The following RIN2 variants were observed in gnomAD, a reference collection of about 807,000 sequenced individuals.
RIN2 encodes the protein RAB5 interacting protein 2.
RIN2 carries 36 observed loss-of-function variants against 78.0 expected under a neutral mutation model. The observed-to-expected ratio is 0.46, with a 90% CI of 0.35 to 0.61. The LOEUF (loss-of-function observed/expected upper bound fraction) is 0.61, where lower values mean the gene tolerates loss of function less well. Among genes scored for constraint, RIN2 ranks in the 20% least tolerant of loss-of-function variants. The pLI is 0.00. For synonymous variants in RIN2, 466 were observed against 466.8 expected (o/e 1.00, Z 0.02); for missense variants, 1,087 against 1,159.7 (o/e 0.94, Z 0.91).
chr20:19,884,028 T>C (rs1467871418), intron 2 of RIN2, among the ~76,000 whole-genome samples: 1 of 149,246 alleles, frequency 6.7e-6, no homozygotes, highest in African/African-American at 2.5e-5. Flanking sequence ...CTCAAACTCC[T>C]GGCCTCAAGC....
chr20:19,801,526 T>A (rs1437174055), intron 2 of RIN2, among the ~76,000 whole-genome samples: 1 of 152,128 alleles, frequency 6.6e-6, no homozygotes, highest in South Asian at 2.1e-4. Context: ...TTTCACTATG[T>A]TAGCCAGCAT....
chr20:19,906,418 C>T (rs2039221373), intron 3 of RIN2, among the ~76,000 whole-genome samples: 1 of 152,156 alleles, frequency 6.6e-6, no homozygotes, highest in African/African-American at 2.4e-5. Context: ...CACTGCACTC[C>T]AGAGCCTGGG....
At chr20:19,945,093 TC>T (rs1192817940) in intron 4 of RIN2, among the ~76,000 whole-genome samples, 2 of 152,190 alleles carry the variant, frequency 1.3e-5, no homozygotes, top group Non-Finnish European at 2.9e-5. Flanking sequence ...ATTCCTTTTT[TC>T]AGCAAGAATC....
At chr20:19,901,848 C>A (rs1438680149) in intron 3 of RIN2, among the ~76,000 whole-genome samples, 3 of 151,960 alleles carry the variant, frequency 2.0e-5, no homozygotes, top group Admixed American at 6.6e-5. Flanking sequence ...GAAACCCCGT[C>A]TCTACTACAG....
At chr20:19,766,189 G>A (rs566207693) in intron 1 of RIN2, among the ~76,000 whole-genome samples, 1 of 152,226 alleles carries the variant, frequency 6.6e-6, no homozygotes, top group Non-Finnish European at 1.5e-5. Context: ...AACAGATGGT[G>A]TGTGTTTCGT....
At chr20:19,993,278 T>TG (rs1321051929) in intron 11 of RIN2, among the ~76,000 whole-genome samples, 5 of 152,082 alleles carry the variant, frequency 3.3e-5, no homozygotes, top group East Asian at 3.9e-4. Context: ...GGTTTCGTTT[T>TG]TTTTTTTCCC....
chr20:19,813,641 T>G (rs4814900), intron 2 of RIN2, among the ~76,000 whole-genome samples: 22,166 of 152,234 alleles, frequency 0.15, 1,828 homozygotes, highest in South Asian at 0.22. Flanking sequence ...TCTGGAAGGA[T>G]GTACTCCAAA....
At chr20:19,920,117 A>G (rs2039851926) in intron 3 of RIN2, among the ~76,000 whole-genome samples, 1 of 151,784 alleles carries the variant, frequency 6.6e-6, no homozygotes, top group Admixed American at 6.6e-5. Context: ...ACACGGTGAA[A>G]CCCCGTCTCT....
At chr20:19,765,919 C>CAT (rs751357873) in intron 1 of RIN2, among the ~76,000 whole-genome samples, 21 of 150,926 alleles carry the variant, frequency 1.4e-4, no homozygotes, top group Admixed American at 6.6e-4. Flanking sequence ...AAGGAGGCTA[C>CAT]AGAGGGAGGG....
chr20:19,965,698 G>T (rs2041916687), intron 7 of RIN2, among the ~76,000 whole-genome samples: 1 of 152,124 alleles, frequency 6.6e-6, no homozygotes, highest in African/African-American at 2.4e-5. Context: ...TACAACCTCT[G>T]CCTCCTGGGA....
chr20:19,839,935 A>C (rs1197807424), intron 2 of RIN2, among the ~76,000 whole-genome samples: 1 of 152,242 alleles, frequency 6.6e-6, no homozygotes, highest in Admixed American at 6.5e-5. Context: ...AAAGCCTTAG[A>C]ACTGCAAAGA....
At chr20:19,896,382 G>T (rs961959008) in intron 3 of RIN2, among the ~76,000 whole-genome samples, 4 of 152,130 alleles carry the variant, frequency 2.6e-5, no homozygotes, top group African/African-American at 9.7e-5. Context: ...TAGAGGCGGG[G>T]TTTCTCCACG....
chr20:19,763,786 TG>T (rs376090956), intron 1 of RIN2, among the ~76,000 whole-genome samples: 134 of 152,322 alleles, frequency 8.8e-4, no homozygotes, highest in African/African-American at 3.1e-3. Flanking sequence ...TGATTCAGTT[TG>T]ATGTAGGAAT....
chr20:19,877,289 A>G (rs777376137), intron 2 of RIN2, among the ~76,000 whole-genome samples: 15 of 152,220 alleles, frequency 9.9e-5, no homozygotes, highest in Non-Finnish European at 2.1e-4. Context: ...CAGAGGGTTC[A>G]TAACATTACC....
intron 3 of RIN2, among the ~76,000 whole-genome samples, chr20:19,912,475 C>CTTTTTTTTTTTTTTTTTTTTTT (rs545323465): frequency 9.0e-6 from 1 of 110,932 alleles, no homozygotes. Flanking sequence ...TTTTCTTTTT[C>CTTTTTTTTTTTTTTTTTTTTTT]TTTTTTTTTT....
At chr20:19,851,050 GAGAAAGA>G (rs780071100) in intron 2 of RIN2, among the ~76,000 whole-genome samples, 4,863 of 53,892 alleles carry the variant, frequency 0.09, 159 homozygotes, top group African/African-American at 0.16. Flanking sequence ...AGGAAGGAAG[GAGAAAGA>G]AAGGAAGGAA....
chr20:19,801,638 G>C (rs1269717951), intron 2 of RIN2, among the ~76,000 whole-genome samples: 3 of 152,152 alleles, frequency 2.0e-5, no homozygotes, highest in African/African-American at 7.2e-5. Context: ...GCGATTCTGT[G>C]ATCAATGTCT....
At chr20:19,812,953 T>A (rs2035649526) in intron 2 of RIN2, among the ~76,000 whole-genome samples, 1 of 152,240 alleles carries the variant, frequency 6.6e-6, no homozygotes, top group Non-Finnish European at 1.5e-5. Context: ...ATTGTCCCTT[T>A]GGGTCTGATC....
intron 2 of RIN2, among the ~76,000 whole-genome samples, chr20:19,868,803 G>A (rs1302352908): frequency 6.6e-6 from 1 of 152,084 alleles, no homozygotes; most frequent in East Asian, 1.9e-4. Flanking sequence ...TTCACTAGCT[G>A]GGCATGCTGG....
Sources: allele counts gnomAD v4.1 joint callset (sites outside exome capture counted in the v4.1 genomes callset), GRCh38; gene constraint gnomAD v4.1.1; transcripts MANE v1.5; gene names NCBI Gene and HGNC (gene_info 2026-07-23, HGNC 2026-07-21).